The following ZNF32 variants were observed in gnomAD, a reference collection of about 807,000 sequenced individuals.
ZNF32 encodes the protein C2H2-546.
In ZNF32, 13 loss-of-function variants were observed where a neutral mutation model predicts 24.4. That is an observed-to-expected ratio of 0.53 (90% confidence interval 0.35 to 0.85). The LOEUF (loss-of-function observed/expected upper bound fraction) is 0.85. ZNF32 is among the 40% of genes least tolerant of loss of function. The pLI is 0.01. For synonymous variants in ZNF32, 115 were observed against 117.4 expected (o/e 0.98, Z 0.13); for missense variants, 239 against 325.3 (o/e 0.73, Z 2.04).
chr10:43,644,448 A>C lies in ZNF32; in HGVS notation c.424T>G (p.Phe142Val). The change falls in exon 3 of 3, where the codon TTC (phenylalanine) becomes GTC (valine). Residue 142 changes from phenylalanine to valine, a missense_variant. Phe to Val is a conservative substitution (Grantham distance 50). Transcript: ENST00000374433. This position sits in a 1 kb window ranked among gnomAD's most constrained non-coding sequence, Gnocchi z 5.3. ...PYQCKECGKS[F>V]SQRGSLAVHE... Reference sequence around the variant, plus strand: ...ACAGCGAGACTACCTCGTTGACTGAAGCTTTTCCCACACTCCTTGCACTGA... The same window carrying C: ...ACAGCGAGACTACCTCGTTGACTGACGCTTTTCCCACACTCCTTGCACTGA... 1 of 1,614,184 alleles carries C rather than the reference A, an allele frequency of 6.2e-7. No homozygotes were observed.
intron 1 of ZNF32, among the ~76,000 whole-genome samples, chr10:43,648,265 G>T (rs554770936): frequency 6.6e-6 from 1 of 152,212 alleles, no homozygotes; most frequent in African/African-American, 2.4e-5. Context: ...TCCTCTGGAG[G>T]GCGGATGAGA....
intron 2 of ZNF32, 76 bp downstream of exon 2, chr10:43,645,987 CT>C: frequency 4.4e-6 from 7 of 1,585,604 alleles, no homozygotes; most frequent in Non-Finnish European, 4.3e-6. Flanking sequence ...CTTCCTCAGA[CT>C]GCCGACCAGT....
Position 43,644,663 on chromosome 10 carries a change from G to T in ZNF32, c.209C>A (p.Pro70His), listed in dbSNP as rs1839218425. The T allele has an allele frequency of 6.2e-7, 1 of 1,614,016 alleles. No individual in the cohort carries two copies. Among genetic ancestry groups the T allele is most frequent in the Admixed American group, 1.7e-5 (1 of 60,010 alleles). Residue 70 changes from proline (P) to histidine (H), a missense_variant, in exon 3 of 3, where the codon CCT (proline) becomes CAT (histidine). Coordinates refer to ENST00000374433, the MANE Select transcript of ZNF32 (RefSeq NM_006973.3). This position sits in a 1 kb window ranked among gnomAD's most constrained non-coding sequence, Gnocchi z 5.3. Reference sequence around the variant, plus strand: ...CTCATAGACCCTTTGTCTCACTCCAGGTGAATCTTCCTGTAGTGTCTTCGA... The same window carrying T: ...CTCATAGACCCTTTGTCTCACTCCATGTGAATCTTCCTGTAGTGTCTTCGA... ...PDSKTLQEDSPGVRQRVYECQ... is the reference protein window; with the variant it reads ...PDSKTLQEDSHGVRQRVYECQ...
chr10:43,645,539 G>A (rs1839258392), intron 2 of ZNF32, among the ~76,000 whole-genome samples: 3 of 152,290 alleles, frequency 2.0e-5, no homozygotes, highest in Admixed American at 1.3e-4. Flanking sequence ...TGCAGATCTA[G>A]CCATGGCAAT....
rs1002572377 is a variant in ZNF32 at position 43,644,790 on chromosome 10, C to T, written c.82G>A (p.Glu28Lys). ...QNVAFFNVMT[E>K]AHHKYDHSEA... ...GAGTGGTCATATTTGTGGTGGGCTTCAGTCATCACATCTGATAAAATGAGA... is the reference window on the plus strand; with the variant it reads ...GAGTGGTCATATTTGTGGTGGGCTTTAGTCATCACATCTGATAAAATGAGA... The change falls in exon 3 of 3, where the codon GAA becomes AAA. Residue 28 changes from glutamate (E) to lysine (K), a missense_variant. Coordinates refer to ENST00000374433, the MANE Select transcript of ZNF32 (RefSeq NM_006973.3). The surrounding 1 kb of genome is among the most constrained non-coding windows in gnomAD (Gnocchi z 5.3). 6 of 1,599,736 alleles carry T rather than the reference C, an allele frequency of 3.8e-6. No individual in the cohort carries two copies. Among genetic ancestry groups the T allele is most frequent in the African/African-American group, 1.3e-5 (1 of 74,192 alleles).
Position 43,643,877 on chromosome 10 carries a change from A to G in ZNF32, c.*173T>C. On this transcript the variant is annotated 3_prime_UTR_variant, in exon 3 of 3. Transcript: ENST00000374433. ...ACATACATGATAATGATAATAAACA[A>G]GACATTTATTTTTCATACTCTTTTG... The G allele has an allele frequency of 1.5e-6, 1 of 651,870 alleles. No homozygotes were observed. The highest frequency in any genetic ancestry group is 2.2e-5 in the South Asian group (1 of 46,006). 40.4% of individuals were successfully genotyped at this position (651,870 alleles called of 1,614,324 possible). A position where few individuals can be genotyped will look rare whatever the true frequency, so the allele number is the denominator to read the frequency against.
At chr10:43,647,599 T>A (rs1017567377) in intron 1 of ZNF32, 2 of 152,254 alleles carry the variant, frequency 1.3e-5, no homozygotes, top group African/African-American at 4.8e-5. Context: ...CTGCACATTC[T>A]GCTACATGCT....
Position 43,644,416 on chromosome 10 carries a change from C to G in ZNF32, c.456G>C (p.Glu152Asp). 6.2e-7 allele frequency: 1 copy of G among 1,614,082 alleles called. No individual in the cohort carries two copies. Among genetic ancestry groups the G allele is most frequent in the East Asian group, 2.2e-5 (1 of 44,890 alleles). Reference sequence around the variant, plus strand: ...AGGGTTTCTGTCCAGTGTGGAGTCTCTCGTGGACAGCGAGACTACCTCGTT... The same window carrying G: ...AGGGTTTCTGTCCAGTGTGGAGTCTGTCGTGGACAGCGAGACTACCTCGTT... ...FSQRGSLAVHERLHTGQKPYE... is the reference protein window; with the variant it reads ...FSQRGSLAVHDRLHTGQKPYE... The change falls in exon 3 of 3, where the codon GAG becomes GAC. Residue 152 changes from glutamate to aspartate, a missense_variant. Physicochemically the swap from Glu to Asp is conservative, Grantham distance 45. Coordinates refer to ENST00000374433, the MANE Select transcript of ZNF32 (RefSeq NM_006973.3). The surrounding 1 kb of genome is among the most constrained non-coding windows in gnomAD (Gnocchi z 5.3).
rs1303342388 is a variant in ZNF32 at position 43,644,706 on chromosome 10, C to G, written c.166G>C (p.Glu56Gln). 1 of 1,614,068 alleles carries G rather than the reference C, an allele frequency of 6.2e-7. No homozygotes were observed. The highest frequency in any genetic ancestry group is 1.7e-5 in the Admixed American group (1 of 60,012). The change falls in exon 3 of 3, where the codon GAA (glutamate) becomes CAA (glutamine). Residue 56 changes from glutamate to glutamine, a missense_variant. By Grantham distance (29) the Glu-to-Gln change is conservative. Transcript: ENST00000374433. The surrounding 1 kb of genome is among the most constrained non-coding windows in gnomAD (Gnocchi z 5.3). Reference protein sequence around the residue: ...IQNSFRREKLEQKSPDSKTLQ... With the variant: ...IQNSFRREKLQQKSPDSKTLQ... ...GTCTTCGAATCTGGGGATTTTTGTTCCAGCTTCTCTCTTCTGAAAGAATTT... is the reference window on the plus strand; with the variant it reads ...GTCTTCGAATCTGGGGATTTTTGTTGCAGCTTCTCTCTTCTGAAAGAATTT...
intron 1 of ZNF32, among the ~76,000 whole-genome samples, chr10:43,646,784 G>GA (rs1320997016): frequency 2.6e-5 from 4 of 152,282 alleles, no homozygotes; most frequent in Middle Eastern, 3.4e-3. Context: ...TCTTGGAAAA[G>GA]AAAGACCTAC....
chr10:43,648,010 T>C (rs960691020), intron 1 of ZNF32: 1 of 152,194 alleles, frequency 6.6e-6, no homozygotes, highest in African/African-American at 2.4e-5. Flanking sequence ...AAACATTGAT[T>C]TTCCTATTAG....
At position 43,644,180 on chromosome 10, in the gene ZNF32, T is replaced by C. The variant is rs1839200781; in HGVS notation, c.692A>G (p.Asn231Ser). 1 of 1,614,220 alleles carries C rather than the reference T, an allele frequency of 6.2e-7. No individual in the cohort carries two copies. The highest frequency in any genetic ancestry group is 8.5e-7 in the Non-Finnish European group (1 of 1,180,034). ...QCRKSFHTRG[N>S]CILHGKIHTG... ...GTGGATTTTGCCATGCAGAATACAA[T>C]TCCCCCTGGTGTGGAAACTCTTCCT... The change falls in exon 3 of 3, where the codon AAT (asparagine) becomes AGT (serine). Residue 231 changes from asparagine (N) to serine (S), a missense_variant. Coordinates refer to ENST00000374433, the MANE Select transcript of ZNF32 (RefSeq NM_006973.3). This position sits in a 1 kb window ranked among gnomAD's most constrained non-coding sequence, Gnocchi z 5.3.
rs1839186666 is a variant in ZNF32 at position 43,643,894 on chromosome 10, A to T, written c.*156T>A. The T allele has an allele frequency of 5.7e-6, 4 of 700,320 alleles. No homozygotes were observed. The highest frequency in any genetic ancestry group is 2.1e-5 in the South Asian group (1 of 46,862). 43.4% of individuals were successfully genotyped at this position (700,320 alleles called of 1,614,324 possible). ...AATAAACAAGACATTTATTTTTCAT[A>T]CTCTTTTGGGGGAAAGGAAAAAAAT... is the stretch of plus-strand genomic sequence containing the variant. On this transcript the variant is annotated 3_prime_UTR_variant, in exon 3 of 3. Transcript: ENST00000374433.
rs79274675 is a variant in ZNF32, at chr10:43,644,885, G to A, written c.71-84C>T. ...GAAAAAGAAACATAATACTTTGAGT[G>A]CTTATGATGTGCCAGGCCTTATTCT... On this transcript the variant is annotated intron_variant, in intron 2 of 2. Coordinates refer to ENST00000374433, the MANE Select transcript of ZNF32 (RefSeq NM_006973.3). This position sits in a 1 kb window ranked among gnomAD's most constrained non-coding sequence, Gnocchi z 5.3. The A allele has an allele frequency of 0.027, 38,085 of 1,433,544 alleles. 1,076 individuals are homozygous for A. Among genetic ancestry groups the A allele is most frequent in the East Asian group, 0.14 (6,018 of 43,076 alleles). 88.8% of individuals were successfully genotyped at this position (1,433,544 alleles called of 1,614,324 possible). A position where few individuals can be genotyped will look rare whatever the true frequency, so the allele number is the denominator to read the frequency against.
Position 43,644,840 on chromosome 10 carries a change from T to A in ZNF32, c.71-39A>T, listed in dbSNP as rs1295370019. ...AGGGAAGTCATATAAGAAGCACCAATAATGCTGAGTTAGAATAGGGAAAAA... is the reference window on the plus strand; with the variant it reads ...AGGGAAGTCATATAAGAAGCACCAAAAATGCTGAGTTAGAATAGGGAAAAA... On this transcript the variant is annotated intron_variant, in intron 2 of 2. Transcript: ENST00000374433. The surrounding 1 kb of genome is among the most constrained non-coding windows in gnomAD (Gnocchi z 5.3). 1.9e-6 allele frequency: 3 copies of A among 1,544,522 alleles called. No individual in the cohort carries two copies. The highest frequency in any genetic ancestry group is 1.4e-5 in the African/African-American group (1 of 72,322).
Position 43,644,478 on chromosome 10 carries a change from G to A in ZNF32, c.394C>T (p.Pro132Ser), listed in dbSNP as rs758588972. Residue 132 changes from proline (P) to serine (S), a missense_variant, in exon 3 of 3, where the codon CCT (proline) becomes TCT (serine). Physicochemically the swap from Pro to Ser is moderately conservative, Grantham distance 74. Coordinates refer to ENST00000374433, the MANE Select transcript of ZNF32 (RefSeq NM_006973.3). This position sits in a 1 kb window ranked among gnomAD's most constrained non-coding sequence, Gnocchi z 5.3. ...THQRIHTGEKPYQCKECGKSF... is the reference protein window; with the variant it reads ...THQRIHTGEKSYQCKECGKSF... ...TTCCCACACTCCTTGCACTGATAAGGCTTCTCTCCCGTGTGTATCCGTTGA... is the reference window on the plus strand; with the variant it reads ...TTCCCACACTCCTTGCACTGATAAGACTTCTCTCCCGTGTGTATCCGTTGA... 5 of 1,614,010 alleles carry A rather than the reference G, an allele frequency of 3.1e-6. No homozygotes were observed. The African/African-American group carries it at 4.0e-5, about 13-fold the overall frequency.
chr10:43,646,068 G>A lies in ZNF32; in HGVS notation c.66C>T (p.Phe22=), dbSNP rs753842608. 6.2e-7 allele frequency: 1 copy of A among 1,614,002 alleles called. No individual in the cohort carries two copies. The highest frequency in any genetic ancestry group is 1.3e-5 in the African/African-American group (1 of 74,912). Residue 22 remains phenylalanine (F), a synonymous_variant, in exon 2 of 3, where the codon TTC becomes TTT. Coordinates refer to ENST00000374433, the MANE Select transcript of ZNF32 (RefSeq NM_006973.3). ...GCCATCAACTGACTCACTCACTGAA[G>A]AACGCTACATTCTGGGCATATCTTC... ...CHGRYAQNVA[F]FNVMTEAHHK...
At chr10:43,648,387 G>A (rs1304718724) in intron 1 of ZNF32, among the ~76,000 whole-genome samples, 2 of 152,148 alleles carry the variant, frequency 1.3e-5, no homozygotes, top group African/African-American at 4.8e-5. Flanking sequence ...CTCCCCCGCA[G>A]GGGCTGCCTC....
chr10:43,647,413 T>G (rs532846099), intron 1 of ZNF32, among the ~76,000 whole-genome samples: 2 of 152,234 alleles, frequency 1.3e-5, no homozygotes, highest in African/African-American at 4.8e-5. Context: ...TCTTCTTACT[T>G]CAGGATCCTA....
Sources: allele counts gnomAD v4.1 joint callset (sites outside exome capture counted in the v4.1 genomes callset), GRCh38; gene constraint gnomAD v4.1.1; non-coding constraint Gnocchi (gnomAD v3.1); transcripts MANE v1.5; gene names NCBI Gene and HGNC (gene_info 2026-07-23, HGNC 2026-07-21).